The following STPG2 variants were observed in gnomAD, a reference collection of about 807,000 sequenced individuals.
STPG2 encodes sperm-tail PG-rich repeat-containing protein 2.
Under a neutral mutation model 54.2 loss-of-function variants are expected in STPG2, and 56 were observed. That is an observed-to-expected ratio of 1.03 (90% CI 0.83 to 1.29). The LOEUF is 1.29. Among genes scored for constraint, STPG2 ranks in the 50% most tolerant of loss-of-function variants. The pLI, the probability that STPG2 is intolerant of heterozygous loss-of-function variation, is 0.00. For synonymous variants in STPG2, 200 were observed against 181.8 expected (o/e 1.10, Z -0.81); for missense variants, 596 against 544.9 (o/e 1.09, Z -0.93).
chr4:97,856,864 A>G (rs779949431), intron 8 of STPG2, among the ~76,000 whole-genome samples: 14 of 152,196 alleles, frequency 9.2e-5, no homozygotes, highest in African/African-American at 3.4e-4. Context: ...TGTTTTTAAC[A>G]TGAAGAGATG....
chr4:97,897,268 A>G (rs1730992536), intron 8 of STPG2, among the ~76,000 whole-genome samples: 1 of 151,866 alleles, frequency 6.6e-6, no homozygotes, highest in African/African-American at 2.4e-5. Flanking sequence ...ATAGTATTCC[A>G]TGGTATATAC....
chr4:98,078,878 T>C (rs1264972034), intron 5 of STPG2, among the ~76,000 whole-genome samples: 1 of 152,188 alleles, frequency 6.6e-6, no homozygotes, highest in Non-Finnish European at 1.5e-5. Context: ...TTTAATATCA[T>C]ATGTTAAAAG....
At chr4:98,096,981 A>G (rs1738878901) in intron 5 of STPG2, among the ~76,000 whole-genome samples, 1 of 152,188 alleles carries the variant, frequency 6.6e-6, no homozygotes, top group South Asian at 2.1e-4. Context: ...CCATAATAAA[A>G]AGTATCTCAG....
chr4:98,139,492 C>T (rs1018698834), intron 1 of STPG2, among the ~76,000 whole-genome samples: 8 of 152,192 alleles, frequency 5.3e-5, no homozygotes, highest in Admixed American at 4.6e-4. Flanking sequence ...TGACCCTTAG[C>T]TGAAATAATT....
intron 10 of STPG2, among the ~76,000 whole-genome samples, chr4:97,612,056 T>C (rs545855297): frequency 2.0e-4 from 31 of 152,002 alleles, no homozygotes; most frequent in African/African-American, 6.0e-4. Context: ...ATCTGCTTAA[T>C]ATATCTGAAG....
chr4:97,778,234 T>A (rs1401910189), intron 9 of STPG2, among the ~76,000 whole-genome samples: 1 of 152,120 alleles, frequency 6.6e-6, no homozygotes, highest in Non-Finnish European at 1.5e-5. Flanking sequence ...GCTTTTCCAA[T>A]GGTCGTAGCA....
intron 4 of STPG2, among the ~76,000 whole-genome samples, chr4:97,444,084 G>A (rs1729157484): frequency 6.6e-6 from 1 of 152,018 alleles, no homozygotes; most frequent in South Asian, 2.1e-4. Flanking sequence ...TTGAACTAAG[G>A]AGAGATTATT....
intron 4 of STPG2, among the ~76,000 whole-genome samples, chr4:97,442,235 T>G (rs1239036704): frequency 6.6e-6 from 1 of 151,932 alleles, no homozygotes; most frequent in Admixed American, 6.6e-5. Context: ...TTGTTTTTTT[T>G]TTATTCAGAT....
At chr4:97,712,382 G>C (rs1415708222) in intron 10 of STPG2, among the ~76,000 whole-genome samples, 2 of 151,988 alleles carry the variant, frequency 1.3e-5, no homozygotes, top group Non-Finnish European at 2.9e-5. Flanking sequence ...TAAATACTAA[G>C]AGATTTCAAT....
At chr4:97,953,255 C>G (rs897665981) in intron 7 of STPG2, among the ~76,000 whole-genome samples, 3 of 152,112 alleles carry the variant, frequency 2.0e-5, no homozygotes, top group African/African-American at 7.2e-5. Flanking sequence ...TGAGTTTGTA[C>G]AGGGAGTCAG....
At chr4:98,042,154 T>A (rs1316529512) in intron 5 of STPG2, among the ~76,000 whole-genome samples, 1 of 151,922 alleles carries the variant, frequency 6.6e-6, no homozygotes, top group Non-Finnish European at 1.5e-5. Context: ...TAATCTTTTG[T>A]ATTTTTATGA....
chr4:97,896,094 G>C (rs1018165210), intron 8 of STPG2, among the ~76,000 whole-genome samples: 4 of 151,682 alleles, frequency 2.6e-5, no homozygotes, highest in Non-Finnish European at 5.9e-5. Flanking sequence ...CCTCATGATA[G>C]TATAATGGCT....
chr4:97,553,230 T>C (rs7654967), intron 4 of STPG2, among the ~76,000 whole-genome samples: 2,682 of 152,286 alleles, frequency 0.018, 78 homozygotes, highest in African/African-American at 0.061. Context: ...ATTCCTATTA[T>C]GGCAGAAAAT....
chr4:97,542,290 C>G (rs1731729969), intron 4 of STPG2, among the ~76,000 whole-genome samples: 1 of 152,102 alleles, frequency 6.6e-6, no homozygotes, highest in Non-Finnish European at 1.5e-5. Context: ...ACAAACAACC[C>G]CATCAAAAAG....
At position 98,134,523 on chromosome 4, in the gene STPG2, G is replaced by A. The variant is rs76992293; in HGVS notation, c.110-64C>T. ...GAGTCCAAGGATTTCAGAGAAAAAC[G>A]CTCAAAATATATATAATCATGAGTA... On this transcript the variant is annotated intron_variant, in intron 1 of 10. Transcript: ENST00000295268. 7.6e-3 allele frequency: 6,858 copies of A among 904,784 alleles called. 51 individuals carry two copies. The highest frequency in any genetic ancestry group is 8.9e-3 in the Non-Finnish European group (5,444 of 613,238). The allele number at this position is 904,784 out of a possible 1,614,324, so 56.0% of individuals were successfully genotyped here. A position where few individuals can be genotyped will look rare whatever the true frequency, so the allele number is the denominator to read the frequency against.
chr4:97,662,934 G>A (rs1722417623), intron 10 of STPG2, among the ~76,000 whole-genome samples: 1 of 151,998 alleles, frequency 6.6e-6, no homozygotes. Flanking sequence ...GAATATAAAA[G>A]TTGAAATTAT....
intron 7 of STPG2, among the ~76,000 whole-genome samples, chr4:97,962,542 T>C (rs1733928257): frequency 6.6e-6 from 1 of 152,220 alleles, no homozygotes; most frequent in African/African-American, 2.4e-5. Context: ...TATTTCACTC[T>C]TGATTTTAGA....
intron 10 of STPG2, among the ~76,000 whole-genome samples, chr4:97,599,891 T>G (rs1215354684): frequency 6.6e-6 from 1 of 151,242 alleles, no homozygotes; most frequent in Non-Finnish European, 1.5e-5. Flanking sequence ...ATATACTCCA[T>G]GAAATACTGC....
At chr4:97,538,662 C>T (rs1731604014) in intron 4 of STPG2, among the ~76,000 whole-genome samples, 1 of 152,074 alleles carries the variant, frequency 6.6e-6, no homozygotes, top group Admixed American at 6.6e-5. Context: ...GCAAGGCAGG[C>T]CAAAATTCAA....
Sources: gnomAD v4.1 joint callset for allele counts (sites outside exome capture counted in the v4.1 genomes callset) on GRCh38, gnomAD v4.1.1 for gene constraint, MANE v1.5 for transcripts, NCBI Gene and HGNC (gene_info 2026-07-23, HGNC 2026-07-21) for gene names.